The following FREM3 variants were observed in gnomAD, a reference collection of about 807,000 sequenced individuals.
FREM3 encodes FRAS1 related extracellular matrix 3.
A neutral mutation model predicts 129.1 loss-of-function variants in FREM3; 105 were observed. The observed-to-expected ratio is 0.81, with a 90% CI of 0.69 to 0.96. FREM3 has a LOEUF of 0.96. Ranked by LOEUF, FREM3 falls within the 40% of genes least tolerant of loss-of-function variation. FREM3 has a pLI of 0.00. For synonymous variants in FREM3, 1,014 were observed against 1,044.9 expected (o/e 0.97, Z 0.57); for missense variants, 2,593 against 2,666.3 (o/e 0.97, Z 0.61).
chr4:143,648,197 G>C (rs1478588499), intron 2 of FREM3, among the ~76,000 whole-genome samples: 1 of 152,204 alleles, frequency 6.6e-6, no homozygotes. Flanking sequence ...ATTTGGAACA[G>C]GTGTATTTAC....
At position 143,577,338 on chromosome 4, in the gene FREM3, T is replaced by A. The variant is rs887811606; in HGVS notation, c.*273A>T. On this transcript the variant is annotated 3_prime_UTR_variant, in exon 8 of 8. Transcript: ENST00000329798. ...TAACTTTTGATTTAATTGATCACAG[T>A]GGATTTCTTACTTGCCTCAGAAACA... The A allele has an allele frequency of 1.7e-5, 8 of 482,820 alleles. No individual in the cohort carries two copies. Among genetic ancestry groups the A allele is most frequent in the Admixed American group, 3.7e-5 (1 of 26,734 alleles). The allele number at this position is 482,820 out of a possible 1,614,324, so 29.9% of individuals were successfully genotyped here. A position where few individuals can be genotyped will look rare whatever the true frequency, so the allele number is the denominator to read the frequency against.
chr4:143,667,964 TG>T (rs1425443891), intron 2 of FREM3, among the ~76,000 whole-genome samples: 3 of 152,234 alleles, frequency 2.0e-5, no homozygotes, highest in African/African-American at 7.2e-5. Flanking sequence ...CCTTCTTCAG[TG>T]CATTTATTAG....
chr4:143,595,761 T>C lies in FREM3; in HGVS notation c.6029-9768A>G, dbSNP rs549139247. On this transcript the variant is annotated intron_variant, in intron 6 of 7. Coordinates refer to ENST00000329798, the MANE Select transcript of FREM3 (RefSeq NM_001168235.2). ...AAATTAGCCAGGTGTGGTGGCAGGC[T>C]CCTGTAGTCCCAGTTACTTGGGAGG... Among the ~76,000 whole-genome samples the C allele has an allele frequency of 3.3e-5, 5 of 151,958 alleles. No homozygotes were observed. In the South Asian group the frequency reaches 1.0e-3, roughly 32 times the overall value.
intron 6 of FREM3, among the ~76,000 whole-genome samples, chr4:143,602,553 T>A: frequency 6.6e-6 from 1 of 152,024 alleles, no homozygotes; most frequent in Admixed American, 6.6e-5. Context: ...TGGGAGGAAG[T>A]CACACCTCAG....
chr4:143,622,873 A>G (rs574935831), intron 4 of FREM3, among the ~76,000 whole-genome samples: 1 of 152,164 alleles, frequency 6.6e-6, no homozygotes, highest in Non-Finnish European at 1.5e-5. Context: ...TGGGACCATG[A>G]TGATCTATGT....
chr4:143,651,924 T>C (rs1739518070), intron 2 of FREM3, among the ~76,000 whole-genome samples: 1 of 152,190 alleles, frequency 6.6e-6, no homozygotes, highest in Non-Finnish European at 1.5e-5. Context: ...AATGGACTCA[T>C]TCTTGGAGCT....
intron 2 of FREM3, among the ~76,000 whole-genome samples, chr4:143,654,549 T>A (rs1459217370): frequency 6.6e-6 from 1 of 152,196 alleles, no homozygotes; most frequent in Non-Finnish European, 1.5e-5. Flanking sequence ...TAAAAAAGAT[T>A]CACCAAATTC....
intron 7 of FREM3, among the ~76,000 whole-genome samples, chr4:143,579,562 T>G (rs182606373): frequency 8.4e-4 from 128 of 152,344 alleles, no homozygotes; most frequent in Middle Eastern, 6.8e-3. Flanking sequence ...TATTGCTTAC[T>G]TGTACTAATT....
At position 143,697,903 on chromosome 4, in the gene FREM3, G is replaced by C. The variant is rs1180463644; in HGVS notation, c.2773C>G (p.His925Asp). 5 of 1,537,760 alleles carry C rather than the reference G, an allele frequency of 3.3e-6. No homozygotes were observed. The East Asian group carries it at 9.8e-5, about 30-fold the overall frequency. Residue 925 changes from histidine (H) to aspartate (D), a missense_variant, in exon 1 of 8, where the codon CAT becomes GAT. Physicochemically the swap from His to Asp is moderately conservative, Grantham distance 81. This residue lies in a region of FREM3 where 2,276 missense variants were observed against 2,267.2 expected (regional missense o/e 1.00). Coordinates refer to ENST00000329798, the MANE Select transcript of FREM3 (RefSeq NM_001168235.2). ...FHLEVSDGVHHIPITIPISVH... is the reference protein window; with the variant it reads ...FHLEVSDGVHDIPITIPISVH... The stretch of plus-strand genomic sequence containing the variant: ...GAAATTGGGATGGTGATGGGTATAT[G>C]GTGCACCCCATCACTTACTTCCAGA...
At chr4:143,665,271 C>T (rs1191590088) in intron 2 of FREM3, among the ~76,000 whole-genome samples, 2 of 152,070 alleles carry the variant, frequency 1.3e-5, no homozygotes, top group African/African-American at 4.8e-5. Flanking sequence ...GGACGCTTTC[C>T]TTGAGTCATC....
At chr4:143,593,197 G>T (rs1329531315) in intron 6 of FREM3, among the ~76,000 whole-genome samples, 1 of 152,104 alleles carries the variant, frequency 6.6e-6, no homozygotes, top group African/African-American at 2.4e-5. Context: ...CCTTTAGCTT[G>T]GAGTAGTTTG....
chr4:143,593,305 G>A (rs1044679032), intron 6 of FREM3, among the ~76,000 whole-genome samples: 5 of 152,160 alleles, frequency 3.3e-5, no homozygotes, highest in Non-Finnish European at 7.3e-5. Context: ...GAGGAGGAGA[G>A]GTGCTCTGAT....
chr4:143,602,315 C>T (rs551534245), intron 6 of FREM3, among the ~76,000 whole-genome samples: 4 of 152,136 alleles, frequency 2.6e-5, no homozygotes, highest in Non-Finnish European at 5.9e-5. Flanking sequence ...ACAGAATTAT[C>T]ATTTCATGTC....
intron 2 of FREM3, among the ~76,000 whole-genome samples, chr4:143,634,160 TAAG>T (rs1198659813): frequency 1.3e-5 from 2 of 152,056 alleles, no homozygotes; most frequent in Non-Finnish European, 2.9e-5. Context: ...GATGTGATGA[TAAG>T]AAGCCCAAGT....
chr4:143,661,012 C>T (rs1208256317), intron 2 of FREM3, among the ~76,000 whole-genome samples: 2 of 152,318 alleles, frequency 1.3e-5, no homozygotes, highest in East Asian at 1.9e-4. Flanking sequence ...TCTAGATATA[C>T]AATCATGTCA....
Position 143,696,871 on chromosome 4 carries a change from C to T in FREM3, c.3805G>A (p.Glu1269Lys), listed in dbSNP as rs374336931. The part of the protein sequence containing the change: ...EIQEASTIVY[E>K]HDDSETKEDS... The stretch of plus-strand genomic sequence containing the variant: ...TCTTTTGTCTCTGAGTCATCATGCT[C>T]ATACACAATGGTGGAGGCCTCCTGG... The change falls in exon 1 of 8, where the codon GAG becomes AAG. Residue 1269 changes from glutamate to lysine, a missense_variant. Glu to Lys is a moderately conservative substitution (Grantham distance 56). Coordinates refer to ENST00000329798, the MANE Select transcript of FREM3 (RefSeq NM_001168235.2). 2.1e-4 allele frequency: 330 copies of T among 1,537,748 alleles called. 2 individuals carry two copies. The highest frequency in any genetic ancestry group is 1.3e-3 in the South Asian group (111 of 84,050).
intron 6 of FREM3, among the ~76,000 whole-genome samples, chr4:143,609,936 T>G (rs1206110067): frequency 1.3e-5 from 2 of 152,194 alleles, no homozygotes; most frequent in Non-Finnish European, 2.9e-5. Context: ...GTTGGACACT[T>G]CCTCCTATCT....
chr4:143,610,782 G>T (rs752622861), intron 6 of FREM3, among the ~76,000 whole-genome samples: 2 of 152,106 alleles, frequency 1.3e-5, no homozygotes, highest in Non-Finnish European at 2.9e-5. Context: ...CTCTTCTCTG[G>T]CTAAATTTCA....
chr4:143,634,379 G>A (rs2149844671), intron 2 of FREM3, among the ~76,000 whole-genome samples: 1 of 152,238 alleles, frequency 6.6e-6, no homozygotes, highest in Non-Finnish European at 1.5e-5. Flanking sequence ...AAATGATCTA[G>A]GCAATTGTGG....
Sources: allele counts gnomAD v4.1 joint callset (sites outside exome capture counted in the v4.1 genomes callset), GRCh38; gene constraint gnomAD v4.1.1; regional missense constraint gnomAD v4.1.1; transcripts MANE v1.5; gene names NCBI Gene and HGNC (gene_info 2026-07-23, HGNC 2026-07-21).